ALDH1L2: variants seen among roughly 807,000 people sequenced by gnomAD.
The protein encoded by ALDH1L2 is aldehyde dehydrogenase 1 family member L2.
ALDH1L2 carries 91 observed loss-of-function variants against 111.0 expected under a neutral mutation model. That is an observed-to-expected ratio of 0.82 (90% confidence interval 0.69 to 0.98). The LOEUF (loss-of-function observed/expected upper bound fraction) is 0.98. Ranked by LOEUF, ALDH1L2 falls within the 50% of genes least tolerant of loss-of-function variation. The pLI, the probability that ALDH1L2 is intolerant of heterozygous loss-of-function variation, is 0.00. For missense variants in ALDH1L2, 995 were observed against 1,126.8 expected, an observed-to-expected ratio of 0.88 and a Z score of 1.67; for synonymous variants, 374 against 392.6, an observed-to-expected ratio of 0.95 and a Z score of 0.56.
At chr12:105,024,524 C>CA (rs1417012225) in intron 22 of ALDH1L2, 45 bp from the exon 23 acceptor site, 1 of 1,578,726 alleles carries the variant, frequency 6.3e-7, no homozygotes, top group Non-Finnish European at 8.7e-7. Context: ...CAGAGGCAGA[C>CA]ATGTGATGTC....
rs1234058764 is a variant in ALDH1L2, at chr12:105,083,852, C to A, written c.48+537G>T. The stretch of plus-strand genomic sequence containing the variant: ...ATTCTAGAAATTTTGCCATCTGCAG[C>A]TCAGCTCAGGAATACTGAGCTTGCA... On this transcript the variant is annotated intron_variant, in intron 1 of 22. Coordinates refer to ENST00000258494, the MANE Select transcript of ALDH1L2 (RefSeq NM_001034173.4). 6.6e-5 allele frequency among the ~76,000 whole-genome samples: 10 copies of A among 152,184 alleles called. No homozygotes were observed. The East Asian group carries it at 1.9e-3, about 29-fold the overall frequency.
chr12:105,032,068 T>G, intron 19 of ALDH1L2, 134 bp from the exon 20 acceptor site: 1 of 856,280 alleles, frequency 1.2e-6, no homozygotes, highest in Non-Finnish European at 1.6e-6. Context: ...CGGAGGTAGG[T>G]GGTTGGTTTT....
In ALDH1L2 at chr12:105,061,688, G is replaced by T; in HGVS notation, c.986C>A (p.Thr329Lys). Reference protein sequence around the residue: ...KMIPASQYFSTGETSVVELTA... With the variant: ...KMIPASQYFSKGETSVVELTA... ...CAGTTCTACCACTGACGTCTCACCC[G>T]TTGAAAAGTACTGAGAGGCAGGGAT... Residue 329 changes from threonine to lysine, a missense_variant, in exon 8 of 23, where the codon ACG becomes AAG. Transcript: ENST00000258494. 6.2e-7 allele frequency: 1 copy of T among 1,614,060 alleles called. No homozygotes were observed. Among genetic ancestry groups the T allele is most frequent in the Non-Finnish European group, 8.5e-7 (1 of 1,180,012 alleles).
intron 1 of ALDH1L2, 86 bp downstream of exon 1, chr12:105,084,303 C>G: frequency 7.1e-7 from 1 of 1,418,432 alleles, no homozygotes; most frequent in East Asian, 3.0e-5. Flanking sequence ...TGCTCATCCC[C>G]AGCCCCACCG....
At chr12:105,080,815 G>A (rs1878302676) in intron 1 of ALDH1L2, among the ~76,000 whole-genome samples, 2 of 152,162 alleles carry the variant, frequency 1.3e-5, no homozygotes, top group Non-Finnish European at 2.9e-5. Context: ...GATTTCAAAT[G>A]TTCAGATTTG....
At chr12:105,066,986 T>C (rs1877394644) in intron 4 of ALDH1L2, among the ~76,000 whole-genome samples, 1 of 151,958 alleles carries the variant, frequency 6.6e-6, no homozygotes, top group Admixed American at 6.6e-5. Flanking sequence ...CCCAGCACTT[T>C]GGGAGGCCAA....
intron 1 of ALDH1L2, among the ~76,000 whole-genome samples, chr12:105,080,944 A>G (rs1878308875): frequency 6.6e-6 from 1 of 152,224 alleles, no homozygotes; most frequent in South Asian, 2.1e-4. Context: ...AATCGAAAAC[A>G]TTTGGAAAAA....
At chr12:105,082,238 C>G (rs766118908) in intron 1 of ALDH1L2, among the ~76,000 whole-genome samples, 1 of 151,984 alleles carries the variant, frequency 6.6e-6, no homozygotes, top group African/African-American at 2.4e-5. Context: ...TAAAATGCAC[C>G]CTCTTCAGTG....
chr12:105,059,208 A>G (rs1178262727), intron 9 of ALDH1L2, among the ~76,000 whole-genome samples: 1 of 151,780 alleles, frequency 6.6e-6, no homozygotes, highest in Non-Finnish European at 1.5e-5. Flanking sequence ...CGGAGGTTGC[A>G]GTGAGCCAAG....
At position 105,020,798 on chromosome 12, in the gene ALDH1L2, A is replaced by T. The variant is rs767852465; in HGVS notation, c.*3626T>A. On this transcript the variant is annotated 3_prime_UTR_variant, in exon 23 of 23. Coordinates refer to ENST00000258494, the MANE Select transcript of ALDH1L2 (RefSeq NM_001034173.4). Reference sequence around the variant, plus strand: ...ATGGACAAGAGTTGCAGGAAGAGGCAGTGGTGTGCTGGTGCTGGCTTGCAT... The same window carrying T: ...ATGGACAAGAGTTGCAGGAAGAGGCTGTGGTGTGCTGGTGCTGGCTTGCAT... 1 of 152,246 alleles carries T rather than the reference A, an allele frequency of 6.6e-6. No individual in the cohort carries two copies. Among genetic ancestry groups the T allele is most frequent in the East Asian group, 1.9e-4 (1 of 5,198 alleles). 9.4% of individuals were successfully genotyped at this position (152,246 alleles called of 1,614,324 possible). A position where few individuals can be genotyped will look rare whatever the true frequency, so the allele number is the denominator to read the frequency against.
intron 19 of ALDH1L2, among the ~76,000 whole-genome samples, chr12:105,033,004 T>C (rs1202809953): frequency 6.6e-6 from 1 of 152,220 alleles, no homozygotes; most frequent in Non-Finnish European, 1.5e-5. Flanking sequence ...TCAGTTATCT[T>C]AACCTACTTC....
rs1468782839 is a variant in ALDH1L2 at position 105,020,715 on chromosome 12, C to G, written c.*3709G>C. On this transcript the variant is annotated 3_prime_UTR_variant, in exon 23 of 23. Transcript: ENST00000258494. Reference sequence around the variant, plus strand: ...CATAGTCAGGGAATGTGTCTCTCATCAGATGATATTTGAGGAGAGACCTGC... The same window carrying G: ...CATAGTCAGGGAATGTGTCTCTCATGAGATGATATTTGAGGAGAGACCTGC... 6.6e-6 allele frequency: 1 copy of G among 152,142 alleles called. No individual in the cohort carries two copies. Among genetic ancestry groups the G allele is most frequent in the Non-Finnish European group, 1.5e-5 (1 of 68,030 alleles). 9.4% of individuals were successfully genotyped at this position (152,142 alleles called of 1,614,324 possible).
intron 1 of ALDH1L2, among the ~76,000 whole-genome samples, chr12:105,080,208 A>C (rs1310947197): frequency 6.6e-6 from 1 of 152,196 alleles, no homozygotes. Flanking sequence ...ATGTAGCATC[A>C]AATTGACCTC....
chr12:105,039,089 G>A (rs780481931), intron 17 of ALDH1L2, among the ~76,000 whole-genome samples: 24 of 152,076 alleles, frequency 1.6e-4, no homozygotes, highest in Non-Finnish European at 3.2e-4. Flanking sequence ...TTACCATTTT[G>A]ATATACTACC....
intron 7 of ALDH1L2, 72 bp from the exon 8 acceptor site, chr12:105,061,824 A>G: frequency 6.3e-7 from 1 of 1,576,414 alleles, no homozygotes; most frequent in Non-Finnish European, 8.7e-7. Context: ...TGGTGGGAGG[A>G]GTCCTATAGA....
At position 105,068,786 on chromosome 12, in the gene ALDH1L2, A is replaced by G. The variant is rs1233154406; in HGVS notation, c.527T>C (p.Val176Ala). The part of the protein sequence containing the change: ...GPILLQRSCD[V>A]EPNDTVDALY... ...TGCATCCACTGTATCATTGGGTTCA[A>G]CATCACATGATCTCTGAAGAAGGAT... Residue 176 changes from valine to alanine, a missense_variant, in exon 4 of 23, where the codon GTT (valine) becomes GCT (alanine). Val to Ala is a moderately conservative substitution (Grantham distance 64, BLOSUM62 0). Transcript: ENST00000258494. 3.1e-6 allele frequency: 5 copies of G among 1,609,852 alleles called. No individual in the cohort carries two copies. The highest frequency in any genetic ancestry group is 3.4e-6 in the Non-Finnish European group (4 of 1,178,124).
chr12:105,026,813 T>A (rs1489360558), intron 21 of ALDH1L2, 69 bp from the exon 22 acceptor site: 2 of 1,569,188 alleles, frequency 1.3e-6, no homozygotes, highest in Admixed American at 1.8e-5. Context: ...GTTCTGAAAA[T>A]TTTCCCATCT....
At chr12:105,046,224 T>TA in intron 15 of ALDH1L2, among the ~76,000 whole-genome samples, 1 of 48,430 alleles carries the variant, frequency 2.1e-5, no homozygotes, top group South Asian at 1.2e-3. Flanking sequence ...TATATATATT[T>TA]TTTTTTTTTT....
At chr12:105,073,086 A>G (rs1377726769) in intron 2 of ALDH1L2, among the ~76,000 whole-genome samples, 1 of 152,212 alleles carries the variant, frequency 6.6e-6, no homozygotes, top group South Asian at 2.1e-4. Context: ...TGAATATTCT[A>G]ACAAGAATAC....
Sources: allele counts gnomAD v4.1 joint callset (sites outside exome capture counted in the v4.1 genomes callset), GRCh38; gene constraint gnomAD v4.1.1; transcripts MANE v1.5; gene names NCBI Gene and HGNC (gene_info 2026-07-23, HGNC 2026-07-21).